Variants in UMAD1 observed in about 807,000 individuals in gnomAD.
The protein encoded by UMAD1 is UBAP1-MVB12-associated (UMA)-domain containing protein 1.
Under a neutral mutation model 6.1 loss-of-function variants are expected in UMAD1, and 8 were observed. The observed-to-expected ratio is 1.30, with a 90% confidence interval of 0.76 to 2.35. The LOEUF is 2.35. UMAD1 is among the 30% of genes most tolerant of loss of function. The pLI is 0.00. For synonymous variants in UMAD1, 56 were observed against 31.4 expected, an observed-to-expected ratio of 1.78 and a Z score of -2.61; for missense variants, 130 against 78.4, an observed-to-expected ratio of 1.66 and a Z score of -2.49.
At chr7:7,862,718 C>G (rs6976317) in intron 3 of UMAD1, among the ~76,000 whole-genome samples, 64,423 of 151,990 alleles carry the variant, frequency 0.42, 14,572 homozygotes, top group African/African-American at 0.54. Flanking sequence ...TTAGTTTAAA[C>G]TCAGTTTCTA....
chr7:7,876,991 G>A (rs753105152), intron 3 of UMAD1, among the ~76,000 whole-genome samples: 8 of 152,190 alleles, frequency 5.3e-5, no homozygotes, highest in Admixed American at 1.3e-4. Context: ...TTGGAAAAGC[G>A]GAGACAGAAT....
At chr7:7,714,860 T>G (rs1017025493) in intron 2 of UMAD1, among the ~76,000 whole-genome samples, 25 of 150,406 alleles carry the variant, frequency 1.7e-4, no homozygotes, top group Non-Finnish European at 7.4e-5. Context: ...TTTCTTTTTT[T>G]TTTTTTTTTT....
At chr7:7,650,411 A>G (rs1450192982) in intron 1 of UMAD1, among the ~76,000 whole-genome samples, 1 of 152,136 alleles carries the variant, frequency 6.6e-6, no homozygotes, top group East Asian at 1.9e-4. Flanking sequence ...TGGATGGTTA[A>G]TTTCTTCCAA....
chr7:7,648,743 C>A (rs1785153687), intron 1 of UMAD1, among the ~76,000 whole-genome samples: 1 of 151,912 alleles, frequency 6.6e-6, no homozygotes, highest in Non-Finnish European at 1.5e-5. Context: ...GTCCTAGCTA[C>A]TTGGGAGGCT....
rs1265138885 is a variant in UMAD1, at chr7:7,830,068, A to G, written c.156+28325A>G. On this transcript the variant is annotated intron_variant, in intron 3 of 3. Transcript: ENST00000682710. This position sits in a 1 kb window ranked among gnomAD's most constrained non-coding sequence, Gnocchi z 5.3. ...TCTTTACACAGCACTAGAGTTTTCT[A>G]CTTTAAAAAAGAAAAGTTATATTAT... 6.6e-6 allele frequency among the ~76,000 whole-genome samples: 1 copy of G among 152,084 alleles called. No individual in the cohort carries two copies. The highest frequency in any genetic ancestry group is 2.4e-5 in the African/African-American group (1 of 41,424).
chr7:7,796,076 G>A (rs1377622539), intron 2 of UMAD1, among the ~76,000 whole-genome samples: 1 of 151,942 alleles, frequency 6.6e-6, no homozygotes, highest in Non-Finnish European at 1.5e-5. Context: ...ACAACCAGTG[G>A]ACAGGAGAGT....
chr7:7,749,004 G>A (rs532214027), intron 2 of UMAD1, among the ~76,000 whole-genome samples: 36 of 151,796 alleles, frequency 2.4e-4, no homozygotes, highest in Admixed American at 5.2e-4. Context: ...GCTCTTCTTC[G>A]CCCAGATCAG....
At chr7:7,832,103 AT>A (rs1783478841) in intron 3 of UMAD1, among the ~76,000 whole-genome samples, 1 of 152,216 alleles carries the variant, frequency 6.6e-6, no homozygotes. Context: ...TGTGCTAAGC[AT>A]ATTTTGGGGC....
chr7:7,789,085 A>G (rs1231524467), intron 2 of UMAD1, among the ~76,000 whole-genome samples: 1 of 152,250 alleles, frequency 6.6e-6, no homozygotes, highest in African/African-American at 2.4e-5. Context: ...ACATACAAGC[A>G]AACTTGCAGA....
intron 3 of UMAD1, among the ~76,000 whole-genome samples, chr7:7,846,772 A>G (rs1783790803): frequency 2.0e-5 from 3 of 151,838 alleles, no homozygotes; most frequent in African/African-American, 7.3e-5. Context: ...GAGTCACATA[A>G]GTTTACTTAA....
At chr7:7,837,419 A>G (rs956862853) in intron 3 of UMAD1, among the ~76,000 whole-genome samples, 3 of 152,152 alleles carry the variant, frequency 2.0e-5, no homozygotes, top group Non-Finnish European at 4.4e-5. Flanking sequence ...ACTAAAATTG[A>G]TTGGTGAAAC....
chr7:7,761,908 G>A lies in UMAD1; in HGVS notation c.83-39762G>A, dbSNP rs1315871146. ...TTGCTTCTTATCCGTCTCCTTTGCA[G>A]GCCCTTTTCCCTCAGTTTCCATTCT... On this transcript the variant is annotated intron_variant, in intron 2 of 3. Transcript: ENST00000682710. Among the ~76,000 whole-genome samples the A allele has an allele frequency of 5.3e-5, 8 of 152,086 alleles. No homozygotes were observed. In the East Asian group the frequency reaches 1.2e-3, roughly 22 times the overall value.
chr7:7,668,535 A>G (rs1450848514), intron 1 of UMAD1, among the ~76,000 whole-genome samples: 2 of 152,198 alleles, frequency 1.3e-5, no homozygotes, highest in South Asian at 2.1e-4. Context: ...AGATGTGTAC[A>G]TACAGTAAGT....
intron 2 of UMAD1, among the ~76,000 whole-genome samples, chr7:7,728,505 G>A (rs1371616660): frequency 3.9e-5 from 6 of 152,186 alleles, no homozygotes; most frequent in Middle Eastern, 3.4e-3. Flanking sequence ...TCAGCCAGGC[G>A]TGGTGGCGTG....
At chr7:7,677,963 G>C (rs1202105157) in intron 2 of UMAD1, among the ~76,000 whole-genome samples, 1 of 151,878 alleles carries the variant, frequency 6.6e-6, no homozygotes, top group South Asian at 2.1e-4. Flanking sequence ...GTGAGCCACC[G>C]CGCCCGGCCT....
chr7:7,758,957 A>G (rs1039706036), intron 2 of UMAD1, among the ~76,000 whole-genome samples: 10 of 152,184 alleles, frequency 6.6e-5, no homozygotes, highest in Non-Finnish European at 7.4e-5. Context: ...TTTATACAGA[A>G]AATGAGTTCT....
At chr7:7,841,314 CTTT>C (rs35468754) in intron 3 of UMAD1, among the ~76,000 whole-genome samples, 33,261 of 136,664 alleles carry the variant, frequency 0.24, 4,484 homozygotes, top group African/African-American at 0.4. Flanking sequence ...AACAAGTGAT[CTTT>C]TTTTTTTTTT....
At chr7:7,741,272 CAA>C (rs113025119) in intron 2 of UMAD1, among the ~76,000 whole-genome samples, 12,704 of 143,896 alleles carry the variant, frequency 0.088, 592 homozygotes, top group African/African-American at 0.13. Context: ...AAAATAGTCT[CAA>C]AAAAAAAAAG....
At chr7:7,788,710 G>A (rs1410889985) in intron 2 of UMAD1, among the ~76,000 whole-genome samples, 1 of 151,898 alleles carries the variant, frequency 6.6e-6, no homozygotes, top group Non-Finnish European at 1.5e-5. Context: ...AAGGGGTTGG[G>A]GAGTTGGTGG....
Sources: allele counts gnomAD v4.1 joint callset (sites outside exome capture counted in the v4.1 genomes callset), GRCh38; gene constraint gnomAD v4.1.1; non-coding constraint Gnocchi (gnomAD v3.1); transcripts MANE v1.5; gene names NCBI Gene and HGNC (gene_info 2026-07-23, HGNC 2026-07-21).